The following POU6F1 variants were observed in gnomAD, a reference collection of about 807,000 sequenced individuals.
POU6F1 encodes POU domain, class 6, transcription factor 1.
POU6F1 carries 9 observed loss-of-function variants against 28.9 expected under a neutral mutation model. That is an observed-to-expected ratio of 0.31 (90% confidence interval 0.19 to 0.54). POU6F1 has a LOEUF of 0.54. POU6F1 is among the 20% of genes least tolerant of loss of function. The probability of loss-of-function intolerance (pLI) is 0.94; values close to 1 mark genes in which losing one functional copy is unlikely to be tolerated. For synonymous variants in POU6F1, 173 were observed against 171.1 expected (o/e 1.01, Z -0.09); for missense variants, 338 against 426.1 (o/e 0.79, Z 1.82).
At chr12:51,200,046 C>T (rs1035451736) in intron 3 of POU6F1, among the ~76,000 whole-genome samples, 178 bp from the exon 4 acceptor site, 2 of 152,172 alleles carry the variant, frequency 1.3e-5, no homozygotes, top group African/African-American at 4.8e-5. Context: ...GAGGCAGCTT[C>T]CTGAATGCTA....
At chr12:51,192,082 T>C (rs1942453583) in intron 9 of POU6F1, among the ~76,000 whole-genome samples, 1 of 151,694 alleles carries the variant, frequency 6.6e-6, no homozygotes, top group Non-Finnish European at 1.5e-5. Flanking sequence ...TGAGAGACCA[T>C]AGCGGAGACA....
chr12:51,196,954 A>C, intron 6 of POU6F1, 27 bp from the exon 7 acceptor site: 1 of 1,421,606 alleles, frequency 7.0e-7, no homozygotes, highest in South Asian at 1.2e-5. Flanking sequence ...AGCCTTGCTC[A>C]GAAGCCAAGG....
chr12:51,200,679 T>G (rs1442121784), intron 3 of POU6F1, among the ~76,000 whole-genome samples: 1 of 152,106 alleles, frequency 6.6e-6, no homozygotes, highest in Non-Finnish European at 1.5e-5. Flanking sequence ...ATCACTGGCT[T>G]CTTTTTATTT....
chr12:51,197,920 C>T lies in POU6F1; in HGVS notation c.696G>A (p.Thr232=), dbSNP rs1418594859. The T allele has an allele frequency of 1.5e-5, 6 of 404,226 alleles. No homozygotes were observed. The highest frequency in any genetic ancestry group is 8.8e-5 in the Admixed American group (2 of 22,738). 25.0% of individuals were successfully genotyped at this position (404,226 alleles called of 1,614,324 possible). Residue 232 remains threonine (T), a synonymous_variant, in exon 6 of 11, where the codon ACG becomes ACA. Coordinates refer to ENST00000333640, the MANE Select transcript of POU6F1 (RefSeq NM_001330422.2). The part of the protein sequence containing the change: ...AQPRPPAQPQ[T]LFQTQPLLQT... ...GCAGCAGCGGCTGGGTCTGGAACAG[C>T]GTCTGGGGCTGGGCTGGTGGCCGGG...
At chr12:51,196,531 G>A (rs1942838008) in intron 7 of POU6F1, among the ~76,000 whole-genome samples, 1 of 152,202 alleles carries the variant, frequency 6.6e-6, no homozygotes, top group African/African-American at 2.4e-5. Context: ...GTGAGATGAT[G>A]TATGAGAAAG....
At chr12:51,216,607 T>C (rs1944298328) in intron 1 of POU6F1, among the ~76,000 whole-genome samples, 1 of 152,190 alleles carries the variant, frequency 6.6e-6, no homozygotes, top group South Asian at 2.1e-4. Context: ...AGGACTTGAA[T>C]GAAAATGGAA....
chr12:51,196,027 C>A lies in POU6F1; in HGVS notation c.1122G>T (p.Leu374=), dbSNP rs1942796863. The A allele has an allele frequency of 1.4e-6, 2 of 1,417,762 alleles. No homozygotes were observed. Among genetic ancestry groups the A allele is most frequent in the East Asian group, 7.2e-5 (2 of 27,670 alleles). The allele number at this position is 1,417,762 out of a possible 1,614,324, so 87.8% of individuals were successfully genotyped here. The part of the protein sequence containing the change: ...QVIATLASSP[L]PPPVAVRKPS... ...GCTTCCGGACAGCCACAGGTGGAGGCAGGGGGCTGCTAGCCAGGGTCGCAA... is the reference window on the plus strand; with the variant it reads ...GCTTCCGGACAGCCACAGGTGGAGGAAGGGGGCTGCTAGCCAGGGTCGCAA... The change falls in exon 8 of 11, where the codon CTG becomes CTT. Residue 374 remains leucine (L), a synonymous_variant. Coordinates refer to ENST00000333640, the MANE Select transcript of POU6F1 (RefSeq NM_001330422.2).
Position 51,194,595 on chromosome 12 carries a change from A to G in POU6F1, c.1179+1375T>C, listed in dbSNP as rs181034037. Among the ~76,000 whole-genome samples the G allele has an allele frequency of 4.9e-3, 737 of 150,978 alleles. 4 individuals are homozygous for G. Among genetic ancestry groups the G allele is most frequent in the South Asian group, 0.025 (119 of 4,740 alleles). On this transcript the variant is annotated intron_variant, in intron 8 of 10. Transcript: ENST00000333640. ...GCAGAGGTTGCAGTGAGCCAAGGTC[A>G]CATCACTGCACACCAGCCTGGGCAA...
Position 51,196,669 on chromosome 12 carries a change from G to T in POU6F1, c.975+130C>A, listed in dbSNP as rs575671449. Reference sequence around the variant, plus strand: ...GCTTCAGCATCGGCAGAAAGCCGCCGCAGAGGAGATAGGAACAACAGCTTG... The same window carrying T: ...GCTTCAGCATCGGCAGAAAGCCGCCTCAGAGGAGATAGGAACAACAGCTTG... On this transcript the variant is annotated intron_variant, in intron 7 of 10. Transcript: ENST00000333640. 3.5e-6 allele frequency: 4 copies of T among 1,155,744 alleles called. No homozygotes were observed. The East Asian group carries it at 7.3e-5, about 21-fold the overall frequency. The allele number at this position is 1,155,744 out of a possible 1,614,324, so 71.6% of individuals were successfully genotyped here.
At chr12:51,205,963 T>A (rs144473993) in intron 2 of POU6F1, among the ~76,000 whole-genome samples, 10,833 of 149,892 alleles carry the variant, frequency 0.072, 638 homozygotes, top group East Asian at 0.29. Context: ...GGATTACAGG[T>A]GCCCACCACC....
rs948564257 is a variant in POU6F1, at chr12:51,199,336, C to G, written c.366+411G>C. Among the ~76,000 whole-genome samples the G allele has an allele frequency of 5.3e-5, 8 of 152,124 alleles. No individual in the cohort carries two copies. The highest frequency in any genetic ancestry group is 1.7e-4 in the African/African-American group (7 of 41,408). On this transcript the variant is annotated intron_variant, in intron 4 of 10. Coordinates refer to ENST00000333640, the MANE Select transcript of POU6F1 (RefSeq NM_001330422.2). This position sits in a 1 kb window ranked among gnomAD's most constrained non-coding sequence, Gnocchi z 4.1. ...AGGGAGCTCTGCCTGCCTGCAGGATCCTGAAGGCAGCCTCTCATGGTGCTG... is the reference window on the plus strand; with the variant it reads ...AGGGAGCTCTGCCTGCCTGCAGGATGCTGAAGGCAGCCTCTCATGGTGCTG...
In POU6F1 at chr12:51,210,411, A is replaced by G. The variant is rs114896804; in HGVS notation, c.-47-3528T>C. On this transcript the variant is annotated intron_variant, in intron 1 of 10. Transcript: ENST00000333640. ...ATTTCTTGGGGAGAAGAATTTTCCA[A>G]TTCCAAAGGTCATTAGGCGTAAGGC... Among the ~76,000 whole-genome samples the G allele has an allele frequency of 5.4e-3, 827 of 152,290 alleles. 9 individuals are homozygous for G. Among genetic ancestry groups the G allele is most frequent in the African/African-American group, 0.019 (790 of 41,546 alleles).
intron 1 of POU6F1, among the ~76,000 whole-genome samples, chr12:51,209,559 C>T (rs777932667): frequency 3.3e-5 from 5 of 152,108 alleles, no homozygotes; most frequent in Non-Finnish European, 7.3e-5. Flanking sequence ...GTTGTTCTAC[C>T]TTTTGGCTAT....
At chr12:51,192,593 C>CGACAGCCTCCACTGTCAT in intron 8 of POU6F1, 122 bp from the exon 9 acceptor site, 1 of 1,272,306 alleles carries the variant, frequency 7.9e-7, no homozygotes. Context: ...CAGGACATTC[C>CGACAGCCTCCACTGTCAT]CGCCTGGGCT....
chr12:51,192,509 G>A (rs1318878178), intron 8 of POU6F1, 38 bp from the exon 9 acceptor site: 3 of 1,601,864 alleles, frequency 1.9e-6, no homozygotes, highest in African/African-American at 2.7e-5. Context: ...GCTGCCCTCT[G>A]CCAGGCTCAG....
chr12:51,194,371 T>C (rs933902473), intron 8 of POU6F1, among the ~76,000 whole-genome samples: 1 of 152,066 alleles, frequency 6.6e-6, no homozygotes, highest in Non-Finnish European at 1.5e-5. Flanking sequence ...CTGGGCACGG[T>C]GTCACATGCC....
At chr12:51,195,432 C>A (rs914847432) in intron 8 of POU6F1, among the ~76,000 whole-genome samples, 2 of 152,194 alleles carry the variant, frequency 1.3e-5, no homozygotes, top group African/African-American at 4.8e-5. Flanking sequence ...GTCCCACTGA[C>A]TTGTAATGGT....
chr12:51,216,501 G>A (rs950465909), intron 1 of POU6F1, among the ~76,000 whole-genome samples: 2 of 152,216 alleles, frequency 1.3e-5, no homozygotes, highest in Non-Finnish European at 2.9e-5. Flanking sequence ...TTCAGAGCAT[G>A]GCACTGAGTG....
chr12:51,208,386 A>G (rs572308557), intron 1 of POU6F1, among the ~76,000 whole-genome samples: 1 of 152,362 alleles, frequency 6.6e-6, no homozygotes, highest in African/African-American at 2.4e-5. Context: ...ATTTATTTCG[A>G]GTGCATATTG....
Sources: allele counts gnomAD v4.1 joint callset (sites outside exome capture counted in the v4.1 genomes callset), GRCh38; gene constraint gnomAD v4.1.1; non-coding constraint Gnocchi (gnomAD v3.1); transcripts MANE v1.5; gene names NCBI Gene and HGNC (gene_info 2026-07-23, HGNC 2026-07-21).